Variants in PARP8 observed in about 807,000 individuals in gnomAD.
The protein encoded by PARP8 is protein mono-ADP-ribosyltransferase PARP8.
Under a neutral mutation model 124.1 loss-of-function variants are expected in PARP8, and 51 were observed. The observed-to-expected ratio is 0.41, with a 90% CI of 0.33 to 0.52. The LOEUF (loss-of-function observed/expected upper bound fraction) is 0.52. Ranked by LOEUF, PARP8 falls within the 20% of genes least tolerant of loss-of-function variation. The probability of loss-of-function intolerance (pLI) is 0.21; values close to 1 mark genes in which losing one functional copy is unlikely to be tolerated. For missense variants in PARP8, 860 were observed against 1,018.9 expected, an observed-to-expected ratio of 0.84 and a Z score of 2.12; for synonymous variants, 391 against 361.5, an observed-to-expected ratio of 1.08 and a Z score of -0.93.
chr5:50,757,992 G>GA (rs920136946), intron 3 of PARP8, among the ~76,000 whole-genome samples: 1 of 151,968 alleles, frequency 6.6e-6, no homozygotes, highest in African/African-American at 2.4e-5. Flanking sequence ...TGTGCACAGG[G>GA]AAAACAGATA....
intron 2 of PARP8, among the ~76,000 whole-genome samples, chr5:50,679,727 G>A (rs1259658766): frequency 6.6e-6 from 1 of 152,138 alleles, no homozygotes; most frequent in African/African-American, 2.4e-5. Context: ...TCTGTTGAGG[G>A]CTAAGTTCAT....
intron 2 of PARP8, among the ~76,000 whole-genome samples, chr5:50,725,351 A>G (rs181760837): frequency 7.9e-5 from 12 of 152,222 alleles, no homozygotes; most frequent in Non-Finnish European, 1.3e-4. Context: ...TACATGAACA[A>G]TCTTACATGT....
rs375787488 is a variant in PARP8 at position 50,829,342 on chromosome 5, T to C, written c.2164-550T>C. On this transcript the variant is annotated intron_variant, in intron 21 of 25. Transcript: ENST00000281631. Reference sequence around the variant, plus strand: ...ATGATGACATTTTAGATGATTCAATTAAATGTTAAATGTGTTTAGTATTCA... The same window carrying C: ...ATGATGACATTTTAGATGATTCAATCAAATGTTAAATGTGTTTAGTATTCA... Among the ~76,000 whole-genome samples, 5 of 152,304 alleles carry C rather than the reference T, an allele frequency of 3.3e-5. No individual in the cohort carries two copies. The South Asian group carries it at 6.2e-4, about 19-fold the overall frequency.
intron 14 of PARP8, among the ~76,000 whole-genome samples, chr5:50,809,884 A>G (rs890143674): frequency 2.0e-5 from 3 of 152,068 alleles, no homozygotes; most frequent in Non-Finnish European, 4.4e-5. Context: ...ATACATAGCT[A>G]GATTCTTAGA....
intron 2 of PARP8, among the ~76,000 whole-genome samples, chr5:50,678,460 CTA>C (rs1468001546): frequency 6.6e-6 from 1 of 152,132 alleles, no homozygotes; most frequent in East Asian, 1.9e-4. Context: ...TGAAGGATAT[CTA>C]TGTCTCTCTT....
chr5:50,708,698 T>G (rs1754414719), intron 2 of PARP8, among the ~76,000 whole-genome samples: 1 of 148,792 alleles, frequency 6.7e-6, no homozygotes, highest in Non-Finnish European at 1.5e-5. Flanking sequence ...GATGTCAACT[T>G]ATAAAAAATA....
At chr5:50,812,788 A>T (rs1462884583) in intron 14 of PARP8, among the ~76,000 whole-genome samples, 1 of 152,158 alleles carries the variant, frequency 6.6e-6, no homozygotes, top group Non-Finnish European at 1.5e-5. Flanking sequence ...TAAGGAAGGG[A>T]TCCAGTTTCA....
At chr5:50,774,804 A>C (rs1739760179) in intron 7 of PARP8, among the ~76,000 whole-genome samples, 1 of 133,038 alleles carries the variant, frequency 7.5e-6, no homozygotes, top group Admixed American at 7.6e-5. Context: ...CACTTCCCAG[A>C]CGAGGCGGCC....
In PARP8 at chr5:50,840,432, G is replaced by A. The variant is rs187005844; in HGVS notation, c.2463-1534G>A. ...TTAGGCACAAAGAAGAGCCAAGAAT[G>A]ACTAAAGGTTTTGTGTTGCTGGATG... On this transcript the variant is annotated intron_variant, in intron 25 of 25. Coordinates refer to ENST00000281631, the MANE Select transcript of PARP8 (RefSeq NM_024615.4). Among the ~76,000 whole-genome samples the A allele has an allele frequency of 3.3e-5, 5 of 151,970 alleles. No individual in the cohort carries two copies. The East Asian group carries it at 5.8e-4, about 18-fold the overall frequency.
intron 7 of PARP8, among the ~76,000 whole-genome samples, chr5:50,767,922 A>G (rs1031847269): frequency 6.6e-6 from 1 of 152,212 alleles, no homozygotes; most frequent in East Asian, 1.9e-4. Flanking sequence ...CCAGTTGTTG[A>G]AAGAAGAAAT....
chr5:50,727,294 G>A (rs1037931797), intron 2 of PARP8, among the ~76,000 whole-genome samples: 3 of 151,994 alleles, frequency 2.0e-5, no homozygotes, highest in South Asian at 2.1e-4. Context: ...TGGCTTTTGC[G>A]TGCCAACTAC....
chr5:50,666,139 A>G (rs1749260647), upstream of PARP8: 2 of 152,264 alleles, frequency 1.3e-5, no homozygotes, highest in South Asian at 2.1e-4. Flanking sequence ...AAAGGGCTGA[A>G]CTACTTCGAT....
At chr5:50,716,194 C>G (rs940183460) in intron 2 of PARP8, among the ~76,000 whole-genome samples, 4 of 151,978 alleles carry the variant, frequency 2.6e-5, no homozygotes, top group African/African-American at 9.7e-5. Context: ...CATTAGAATA[C>G]AAAGGAAGTT....
At chr5:50,670,027 C>T (rs564326945) in intron 2 of PARP8, among the ~76,000 whole-genome samples, 15 of 152,232 alleles carry the variant, frequency 9.9e-5, no homozygotes, top group Non-Finnish European at 1.5e-4. Context: ...GTGTAGTAAC[C>T]GTAGATAATC....
intron 14 of PARP8, among the ~76,000 whole-genome samples, chr5:50,813,869 A>T (rs1394091894): frequency 6.6e-6 from 1 of 152,152 alleles, no homozygotes; most frequent in East Asian, 1.9e-4. Flanking sequence ...ACGTATTTAG[A>T]TGTTCACAAA....
At chr5:50,818,179 C>G (rs1035481) in intron 15 of PARP8, among the ~76,000 whole-genome samples, 30,955 of 129,968 alleles carry the variant, frequency 0.24, 3,838 homozygotes, top group South Asian at 0.38. Flanking sequence ...TCATTTAGCC[C>G]CCCCCCCCCC....
At position 50,752,660 on chromosome 5, in the gene PARP8, CT is replaced by C. The variant is rs774437912; in HGVS notation, c.184+2473del. ...AAAAGATTCTTTCAAACAAATAGCTCTCTTTAATGTTGCATTCAATTTCTAA... is the reference window on the plus strand; with the variant it reads ...AAAAGATTCTTTCAAACAAATAGCTCCTTTAATGTTGCATTCAATTTCTAA... On this transcript the variant is annotated intron_variant, in intron 3 of 25. Transcript: ENST00000281631. 5.3e-5 allele frequency among the ~76,000 whole-genome samples: 8 copies of C among 152,086 alleles called. No individual in the cohort carries two copies. In the South Asian group the frequency reaches 1.7e-3, roughly 32 times the overall value.
intron 14 of PARP8, among the ~76,000 whole-genome samples, chr5:50,811,930 A>T (rs1744500325): frequency 6.6e-6 from 1 of 152,116 alleles, no homozygotes; most frequent in Non-Finnish European, 1.5e-5. Context: ...ATCCTTTTTT[A>T]TGGCTGCATA....
intron 2 of PARP8, among the ~76,000 whole-genome samples, chr5:50,688,433 A>G (rs765473719): frequency 6.6e-6 from 1 of 152,252 alleles, no homozygotes; most frequent in Non-Finnish European, 1.5e-5. Flanking sequence ...GAAACTTCAC[A>G]AGAGATAGAG....
Sources: allele counts gnomAD v4.1 joint callset (sites outside exome capture counted in the v4.1 genomes callset), GRCh38; gene constraint gnomAD v4.1.1; transcripts MANE v1.5; gene names NCBI Gene and HGNC (gene_info 2026-07-23, HGNC 2026-07-21).